The following IL34 variants were observed in gnomAD, a reference collection of about 807,000 sequenced individuals.
The protein encoded by IL34 is interleukin-34.
IL34 carries 17 observed loss-of-function variants against 25.3 expected under a neutral mutation model. The ratio of observed to expected loss-of-function variants is 0.67; its 90% CI spans 0.46 to 1.01. The LOEUF is 1.01. Among genes scored for constraint, IL34 ranks in the 50% least tolerant of loss-of-function variants. The probability of loss-of-function intolerance (pLI) is 0.00; values close to 1 mark genes in which losing one functional copy is unlikely to be tolerated. For synonymous variants in IL34, 174 were observed against 140.9 expected, an observed-to-expected ratio of 1.23 and a Z score of -1.66; for missense variants, 368 against 312.9, an observed-to-expected ratio of 1.18 and a Z score of -1.33.
chr16:70,632,101 C>CA (rs71151199), intron 1 of IL34, among the ~76,000 whole-genome samples: 3,955 of 106,620 alleles, frequency 0.037, 106 homozygotes, highest in African/African-American at 0.088. Flanking sequence ...GACCCTGTCT[C>CA]AAAAAAAAAA....
chr16:70,648,585 A>G (rs1261252306), intron 1 of IL34, among the ~76,000 whole-genome samples: 1 of 150,462 alleles, frequency 6.6e-6, no homozygotes, highest in Non-Finnish European at 1.5e-5. Context: ...AGGAGAAAAG[A>G]AAAAGAGAGA....
In IL34 at chr16:70,646,595, C is replaced by A; in HGVS notation, c.-353C>A. 1 of 326,186 alleles carries A rather than the reference C, an allele frequency of 3.1e-6. No individual in the cohort carries two copies. The allele number at this position is 326,186 out of a possible 1,614,324, so 20.2% of individuals were successfully genotyped here. A position where few individuals can be genotyped will look rare whatever the true frequency, so the allele number is the denominator to read the frequency against. ...CTGCAGTCGGAGAAATCAGAGAAAG[C>A]GTCACCCAGCCCCAGATTCCGAGGG... On this transcript the variant is annotated 5_prime_UTR_variant, in exon 1 of 6. Transcript: ENST00000288098.
At chr16:70,651,987 T>C (rs541390334) in intron 1 of IL34, among the ~76,000 whole-genome samples, 2 of 151,734 alleles carry the variant, frequency 1.3e-5, no homozygotes, top group South Asian at 2.1e-4. Flanking sequence ...TTTAGCTGGA[T>C]GTGGTGGCGC....
At chr16:70,605,274 C>T (rs944803990) in intron 1 of IL34, among the ~76,000 whole-genome samples, 1 of 152,148 alleles carries the variant, frequency 6.6e-6, no homozygotes, top group African/African-American at 2.4e-5. Flanking sequence ...TGAGAAGAGT[C>T]CAGGACCCTC....
chr16:70,599,293 C>CTTTTCTTTCTTTCTTTCTTTCTTCT (rs113794220), intron 1 of IL34, among the ~76,000 whole-genome samples: 4 of 132,796 alleles, frequency 3.0e-5, no homozygotes, highest in Middle Eastern at 3.6e-3. Context: ...TTCTTTCTTT[C>CTTTTCTTTCTTTCTTTCTTTCTTCT]TTCTTTCTTT....
intron 1 of IL34, among the ~76,000 whole-genome samples, chr16:70,651,034 C>T (rs552625807): frequency 6.6e-6 from 1 of 152,140 alleles, no homozygotes. Flanking sequence ...CCTGGTGAAA[C>T]GCCGTCTCTA....
chr16:70,655,017 T>A (rs2052179159), intron 2 of IL34, among the ~76,000 whole-genome samples: 2 of 152,058 alleles, frequency 1.3e-5, no homozygotes, highest in Admixed American at 1.3e-4. Context: ...GAATATTTGG[T>A]TCTTTTTGCA....
At chr16:70,630,249 T>A (rs2051488703) in intron 1 of IL34, among the ~76,000 whole-genome samples, 1 of 151,446 alleles carries the variant, frequency 6.6e-6, no homozygotes, top group Non-Finnish European at 1.5e-5. Context: ...TTCTTTTTAA[T>A]TTTTTTTGGA....
chr16:70,635,069 C>G (rs7190667), intron 1 of IL34, among the ~76,000 whole-genome samples: 2 of 152,112 alleles, frequency 1.3e-5, no homozygotes, highest in Non-Finnish European at 2.9e-5. Context: ...CTTGGTCATT[C>G]GTCTTATGGC....
intron 4 of IL34, among the ~76,000 whole-genome samples, chr16:70,658,047 G>T (rs996067477): frequency 6.6e-6 from 1 of 152,180 alleles, no homozygotes; most frequent in Non-Finnish European, 1.5e-5. Flanking sequence ...GTGTGCGGTG[G>T]GACCTCTCCC....
At chr16:70,596,366 C>T (rs774044222) in intron 1 of IL34, among the ~76,000 whole-genome samples, 2 of 152,162 alleles carry the variant, frequency 1.3e-5, no homozygotes, top group Admixed American at 6.5e-5. Context: ...TAAGACTGCC[C>T]GGAAAGGTGG....
At chr16:70,626,358 C>T (rs567728720) in intron 1 of IL34, among the ~76,000 whole-genome samples, 1 of 152,114 alleles carries the variant, frequency 6.6e-6, no homozygotes, top group South Asian at 2.1e-4. Flanking sequence ...CAAAACCTTC[C>T]CACTTTAAGA....
intron 1 of IL34, among the ~76,000 whole-genome samples, chr16:70,627,808 A>T (rs930893211): frequency 3.9e-5 from 6 of 152,054 alleles, no homozygotes; most frequent in South Asian, 4.1e-4. Flanking sequence ...GTGTTTTTTT[A>T]AAAAACTTTA....
At chr16:70,608,075 CT>C (rs1198260747) in intron 1 of IL34, among the ~76,000 whole-genome samples, 1 of 140,042 alleles carries the variant, frequency 7.1e-6, no homozygotes, top group African/African-American at 2.7e-5. Context: ...GCCGGTTTTT[CT>C]TTTTTTAGTT....
At chr16:70,637,135 C>T (rs2051673505) in intron 1 of IL34, among the ~76,000 whole-genome samples, 1 of 152,012 alleles carries the variant, frequency 6.6e-6, no homozygotes, top group South Asian at 2.1e-4. Flanking sequence ...GCTGGGATTA[C>T]AGGTGTGAGC....
At chr16:70,644,325 C>G (rs1383825289), upstream of IL34, among the ~76,000 whole-genome samples, 3 of 152,124 alleles carry the variant, frequency 2.0e-5, no homozygotes, top group Non-Finnish European at 4.4e-5. Flanking sequence ...CTCGGCCTCC[C>G]AAAGTGCTGG....
chr16:70,607,297 G>A (rs1468210859), intron 1 of IL34, among the ~76,000 whole-genome samples: 6 of 152,046 alleles, frequency 3.9e-5, no homozygotes, highest in Admixed American at 2.0e-4. Context: ...GTAGAGACGG[G>A]GTTTCACTGT....
chr16:70,633,895 G>C (rs1317726659), intron 1 of IL34, among the ~76,000 whole-genome samples: 1 of 151,746 alleles, frequency 6.6e-6, no homozygotes, highest in African/African-American at 2.4e-5. Context: ...TTGTCGCCCA[G>C]GCTGGAGTGC....
At chr16:70,608,695 G>A (rs551630663) in intron 1 of IL34, among the ~76,000 whole-genome samples, 244 of 152,358 alleles carry the variant, frequency 1.6e-3, no homozygotes, top group Non-Finnish European at 1.9e-3. Context: ...CCAAGGCCGT[G>A]CAGGCGACTG....
Sources: allele counts gnomAD v4.1 joint callset (sites outside exome capture counted in the v4.1 genomes callset), GRCh38; gene constraint gnomAD v4.1.1; transcripts MANE v1.5; gene names NCBI Gene and HGNC (gene_info 2026-07-23, HGNC 2026-07-21).